Variants in DDA1 observed in about 807,000 individuals in gnomAD.
DDA1 encodes the protein DET1- and DDB1-associated protein 1.
A neutral mutation model predicts 18.6 loss-of-function variants in DDA1; 3 were observed. The observed-to-expected ratio is 0.16, with a 90% CI of 0.07 to 0.42. The LOEUF is 0.42. Ranked by LOEUF, DDA1 falls within the 10% of genes least tolerant of loss-of-function variation. The pLI, the probability that DDA1 is intolerant of heterozygous loss-of-function variation, is 0.99. For missense variants in DDA1, 105 were observed against 138.2 expected (o/e 0.76, Z 1.20); for synonymous variants, 52 against 54.0 (o/e 0.96, Z 0.17).
In DDA1 at chr19:17,319,741, G is replaced by A. The variant is rs888468655; in HGVS notation, c.*85G>A. ...CCCGCCATGTGTAAGCACCCCGCCC[G>A]CCCGCCTCCCTGCCGGCCCATCCAC... On this transcript the variant is annotated 3_prime_UTR_variant, in exon 5 of 5. Coordinates refer to ENST00000359866, the MANE Select transcript of DDA1 (RefSeq NM_024050.6). 1.2e-5 allele frequency: 14 copies of A among 1,171,578 alleles called. No individual in the cohort carries two copies. Among genetic ancestry groups the A allele is most frequent in the East Asian group, 2.8e-5 (1 of 36,146 alleles). 72.6% of individuals were successfully genotyped at this position (1,171,578 alleles called of 1,614,324 possible). A position where few individuals can be genotyped will look rare whatever the true frequency, so the allele number is the denominator to read the frequency against.
At chr19:17,311,942 G>T (rs2074180889) in intron 1 of DDA1, among the ~76,000 whole-genome samples, 1 of 152,086 alleles carries the variant, frequency 6.6e-6, no homozygotes, top group African/African-American at 2.4e-5. Context: ...TTGTTTTCCA[G>T]CTTAGCATGA....
In DDA1 at chr19:17,314,521, T is replaced by C. The variant is rs2074193690; in HGVS notation, c.136+132T>C. ...ACTTGGCTTGGGTTCACACGCTGTCTACTGAATCCAGTTAAGTCAGGGAGG... is the reference window on the plus strand; with the variant it reads ...ACTTGGCTTGGGTTCACACGCTGTCCACTGAATCCAGTTAAGTCAGGGAGG... On this transcript the variant is annotated intron_variant, in intron 3 of 4. Coordinates refer to ENST00000359866, the MANE Select transcript of DDA1 (RefSeq NM_024050.6). The surrounding 1 kb of genome is among the most constrained non-coding windows in gnomAD (Gnocchi z 4.6). The C allele has an allele frequency of 2.4e-6, 3 of 1,238,272 alleles. No homozygotes were observed. Among genetic ancestry groups the C allele is most frequent in the Admixed American group, 2.0e-5 (1 of 49,474 alleles). The allele number at this position is 1,238,272 out of a possible 1,614,324, so 76.7% of individuals were successfully genotyped here.
At chr19:17,313,947 C>T (rs1192463871) in intron 1 of DDA1, 76 bp from the exon 2 acceptor site, 13 of 1,181,188 alleles carry the variant, frequency 1.1e-5, no homozygotes, top group Non-Finnish European at 1.6e-5. Flanking sequence ...AGGAACCCAG[C>T]AGTCACCCTG....
chr19:17,318,573 G>A, intron 4 of DDA1, among the ~76,000 whole-genome samples: 1 of 151,856 alleles, frequency 6.6e-6, no homozygotes, highest in Admixed American at 6.6e-5. Context: ...CTCCATGTTG[G>A]CCAGGCTAGT....
intron 3 of DDA1, among the ~76,000 whole-genome samples, chr19:17,315,416 G>A (rs559846090): frequency 9.5e-5 from 6 of 63,166 alleles, no homozygotes; most frequent in African/African-American, 4.9e-4. Flanking sequence ...ATACGTGTGT[G>A]TGTGTGTGTG....
intron 3 of DDA1, among the ~76,000 whole-genome samples, chr19:17,315,457 A>T (rs1261644869): frequency 1.6e-5 from 1 of 63,858 alleles, no homozygotes; most frequent in Non-Finnish European, 3.0e-5. Flanking sequence ...TATATATATT[A>T]GCCGGGCGTG....
rs1301652810 is a variant in DDA1, at chr19:17,319,540, C to A, written c.199-6C>A. 1.3e-6 allele frequency: 2 copies of A among 1,558,594 alleles called. No homozygotes were observed. Among genetic ancestry groups the A allele is most frequent in the East Asian group, 4.8e-5 (2 of 41,666 alleles). ...TCACAGCCCCTCTCTTTTCCCTGTC[C>A]CCCAGAACGCTGCCAAGAAGAGAGA... On this transcript the variant is annotated splice_region_variant and splice_polypyrimidine_tract_variant and intron_variant, in intron 4 of 4. Coordinates refer to ENST00000359866, the MANE Select transcript of DDA1 (RefSeq NM_024050.6).
chr19:17,315,431 T>TGTGC (rs35247114), intron 3 of DDA1, among the ~76,000 whole-genome samples: 23,563 of 97,414 alleles, frequency 0.24, 3,482 homozygotes, highest in South Asian at 0.32. Context: ...TGTGTGTGCA[T>TGTGC]ATATATATAT....
chr19:17,319,760 C>T lies in DDA1; in HGVS notation c.*104C>T. ...CCGCCCGCCCGCCTCCCTGCCGGCC[C>T]ATCCACACCCTGCGTCCACACCACT... On this transcript the variant is annotated 3_prime_UTR_variant, in exon 5 of 5. Transcript: ENST00000359866. 1 of 933,172 alleles carries T rather than the reference C, an allele frequency of 1.1e-6. No homozygotes were observed. 57.8% of individuals were successfully genotyped at this position (933,172 alleles called of 1,614,324 possible).
rs116255422 is a variant in DDA1, at chr19:17,312,166, G to A, written c.4-1857G>A. On this transcript the variant is annotated intron_variant, in intron 1 of 4. Transcript: ENST00000359866. ...CGTCCCAGGTCACACAACCAGGGAC[G>A]GGCTAAGCCAGGATTGAGAGCAGAA... 4.8e-3 allele frequency among the ~76,000 whole-genome samples: 736 copies of A among 152,268 alleles called. 3 individuals carry two copies. The highest frequency in any genetic ancestry group is 0.017 in the African/African-American group (702 of 41,558).
In DDA1 at chr19:17,315,286, CTATATATATACACACGTG is replaced by C. The variant is rs1344088482; in HGVS notation, c.137-634_137-617del. Among the ~76,000 whole-genome samples, 6 of 29,214 alleles carry C rather than the reference CTATATATATACACACGTG, an allele frequency of 2.1e-4. 1 individual carries two copies. The highest frequency in any genetic ancestry group is 1.1e-3 in the Admixed American group (6 of 5,518). 19.2% of individuals were successfully genotyped at this position (29,214 alleles called of 152,430 possible). On this transcript the variant is annotated intron_variant, in intron 3 of 4. Transcript: ENST00000359866. The stretch of plus-strand genomic sequence containing the variant: ...ATACACACACGTGTATATACACACA[CTATATATATACACACGTG>C]TATATATATACACGCTATATATATA...
Position 17,315,946 on chromosome 19 carries a change from A to G in DDA1, c.149A>G (p.Glu50Gly). ...EYPSEQIIVT[E>G]KTNILLRYLH... is the part of the protein sequence containing the mutation. ...CTTTCCTCCTTAGTCATCGTGACAGAAAAGACAAACATCCTCCTGCGCTAC... is the reference window on the plus strand; with the variant it reads ...CTTTCCTCCTTAGTCATCGTGACAGGAAAGACAAACATCCTCCTGCGCTAC... The change falls in exon 4 of 5, where the codon GAA becomes GGA. Residue 50 changes from glutamate (E) to glycine (G), a missense_variant. Around this residue, in one of 2 missense-constraint regions of DDA1, gnomAD observed 43 missense variants for 82.3 expected, o/e 0.52. Coordinates refer to ENST00000359866, the MANE Select transcript of DDA1 (RefSeq NM_024050.6). 1 of 1,614,172 alleles carries G rather than the reference A, an allele frequency of 6.2e-7. No homozygotes were observed. The highest frequency in any genetic ancestry group is 2.2e-5 in the East Asian group (1 of 44,890).
intron 1 of DDA1, 111 bp from the exon 2 acceptor site, chr19:17,313,912 T>G: frequency 1.1e-6 from 1 of 876,730 alleles, no homozygotes; most frequent in South Asian, 1.5e-5. Context: ...CTGGAAAACT[T>G]GAACTACAAA....
chr19:17,315,246 T>TGTATAC (rs2074202535), intron 3 of DDA1, among the ~76,000 whole-genome samples: 2 of 75,522 alleles, frequency 2.6e-5, no homozygotes, highest in South Asian at 3.5e-4. Flanking sequence ...CACGTGTATA[T>TGTATAC]ACACACACGT....
At chr19:17,315,357 T>C (rs1268684566) in intron 3 of DDA1, among the ~76,000 whole-genome samples, 2 of 103,294 alleles carry the variant, frequency 1.9e-5, no homozygotes, top group Non-Finnish European at 4.2e-5. Flanking sequence ...ACGCTATATA[T>C]ATACGCTATA....
intron 3 of DDA1, among the ~76,000 whole-genome samples, chr19:17,315,350 C>CG (rs1461554245): frequency 6.6e-4 from 37 of 56,462 alleles, no homozygotes; most frequent in Non-Finnish European, 1.0e-3. Context: ...TATATACACG[C>CG]TATATATATA....
chr19:17,318,273 C>T (rs751115044), intron 4 of DDA1, among the ~76,000 whole-genome samples: 11 of 151,968 alleles, frequency 7.2e-5, no homozygotes, highest in Non-Finnish European at 1.2e-4. Context: ...CTCTTGTTGC[C>T]CAGACTGGCG....
At chr19:17,315,856 A>G in intron 3 of DDA1, 78 bp from the exon 4 acceptor site, 1 of 1,407,954 alleles carries the variant, frequency 7.1e-7, no homozygotes, top group Non-Finnish European at 1.0e-6. Context: ...CAGCCCCAAA[A>G]AGACCTCCCA....
At position 17,322,727 on chromosome 19, in the gene DDA1, G is replaced by C. The variant is rs147314343; in HGVS notation, c.*3071G>C. 2 of 152,202 alleles carry C rather than the reference G, an allele frequency of 1.3e-5. No homozygotes were observed. Among genetic ancestry groups the C allele is most frequent in the African/African-American group, 4.8e-5 (2 of 41,440 alleles). 9.4% of individuals were successfully genotyped at this position (152,202 alleles called of 1,614,324 possible). A position where few individuals can be genotyped will look rare whatever the true frequency, so the allele number is the denominator to read the frequency against. The stretch of plus-strand genomic sequence containing the variant: ...CCCTGCTGCATCCCAATGCCACCCC[G>C]TGTCCTGGGGACACCCAAATGTGCC... On this transcript the variant is annotated 3_prime_UTR_variant, in exon 5 of 5. Coordinates refer to ENST00000359866, the MANE Select transcript of DDA1 (RefSeq NM_024050.6).
Sources: allele counts gnomAD v4.1 joint callset (sites outside exome capture counted in the v4.1 genomes callset), GRCh38; gene constraint gnomAD v4.1.1; regional missense constraint gnomAD v4.1.1; non-coding constraint Gnocchi (gnomAD v3.1); transcripts MANE v1.5; gene names NCBI Gene and HGNC (gene_info 2026-07-23, HGNC 2026-07-21).